The following IFT140 variants were observed in gnomAD, a reference collection of about 807,000 sequenced individuals.
IFT140 encodes the protein intraflagellar transport protein 140 homolog.
IFT140 carries 133 observed loss-of-function variants against 164.6 expected under a neutral mutation model. The ratio of observed to expected loss-of-function variants is 0.81; its 90% CI spans 0.70 to 0.93. The LOEUF (loss-of-function observed/expected upper bound fraction) is 0.93, where lower values mean the gene tolerates loss of function less well. Ranked by LOEUF, IFT140 falls within the 40% of genes least tolerant of loss-of-function variation. IFT140 has a pLI of 0.00. For synonymous variants in IFT140, 860 were observed against 817.3 expected, an observed-to-expected ratio of 1.05 and a Z score of -0.89; for missense variants, 2,045 against 1,972.3, an observed-to-expected ratio of 1.04 and a Z score of -0.70.
In IFT140 at chr16:1,592,662, C is replaced by T. The variant is rs2035244192; in HGVS notation, c.370-74G>A. 3 of 1,533,928 alleles carry T rather than the reference C, an allele frequency of 2.0e-6. No individual in the cohort carries two copies. The East Asian group carries it at 7.0e-5, about 36-fold the overall frequency. On this transcript the variant is annotated intron_variant, in intron 4 of 30. Transcript: ENST00000426508. The stretch of plus-strand genomic sequence containing the variant: ...ACTGGTGGAGGGACAGGTGTCCTGG[C>T]AGAGCGACTGGTGGTGGGACAGGTG...
At chr16:1,528,354 C>T (rs1567333679) in intron 19 of IFT140, among the ~76,000 whole-genome samples, 1 of 131,824 alleles carries the variant, frequency 7.6e-6, no homozygotes, top group Admixed American at 9.7e-5. Flanking sequence ...CGCATGCACG[C>T]ACGTGTGCAC....
chr16:1,541,696 G>A (rs1274343930), intron 19 of IFT140, among the ~76,000 whole-genome samples: 2 of 152,124 alleles, frequency 1.3e-5, no homozygotes, highest in Non-Finnish European at 2.9e-5. Context: ...AGCCAGGCCC[G>A]GCGGCTGGGA....
chr16:1,523,578 G>A lies in IFT140; in HGVS notation c.3393C>T (p.Asp1131=). The A allele has an allele frequency of 1.2e-6, 2 of 1,613,798 alleles. No homozygotes were observed. The highest frequency in any genetic ancestry group is 1.7e-6 in the Non-Finnish European group (2 of 1,180,008). ...CGTACTGACTGTGCTCGATGAAGAAGTCGGAGCAGCGGGCCAGGAGCGCAG... is the reference window on the plus strand; with the variant it reads ...CGTACTGACTGTGCTCGATGAAGAAATCGGAGCAGCGGGCCAGGAGCGCAG... ...SDPALLARCS[D]FFIEHSQYER... is the part of the protein sequence containing the mutation. The change falls in exon 26 of 31, where the codon GAC becomes GAT. Residue 1131 remains aspartate, a synonymous_variant. Transcript: ENST00000426508.
intron 13 of IFT140, among the ~76,000 whole-genome samples, chr16:1,576,484 C>T (rs1270663680): frequency 2.7e-5 from 4 of 150,456 alleles, no homozygotes; most frequent in Non-Finnish European, 4.4e-5. Flanking sequence ...CCCAGCTACT[C>T]GGGAGGCTGA....
intron 16 of IFT140, among the ~76,000 whole-genome samples, chr16:1,565,408 C>T (rs1266161167): frequency 1.3e-5 from 2 of 151,744 alleles, no homozygotes; most frequent in African/African-American, 4.8e-5. Context: ...AAGAAGGTTC[C>T]AGCACTGGAT....
chr16:1,586,765 G>T (rs1179803784), intron 9 of IFT140, among the ~76,000 whole-genome samples: 2 of 152,230 alleles, frequency 1.3e-5, no homozygotes, highest in Non-Finnish European at 2.9e-5. Context: ...GGAGTGCACT[G>T]GCACCATCTT....
At chr16:1,513,864 G>A (rs35773761) in intron 30 of IFT140, among the ~76,000 whole-genome samples, 36,082 of 136,016 alleles carry the variant, frequency 0.27, 5,482 homozygotes, top group East Asian at 0.41. Flanking sequence ...TAGTAGAGAC[G>A]GGGTTTCACC....
chr16:1,549,142 TGGCGTCCGAG>T (rs772280737), intron 19 of IFT140, among the ~76,000 whole-genome samples: 1 of 152,268 alleles, frequency 6.6e-6, no homozygotes, highest in Non-Finnish European at 1.5e-5. Flanking sequence ...TGGGTCTCAC[TGGCGTCCGAG>T]GGCGCTGTCC....
At chr16:1,527,364 G>A (rs997427568) in intron 19 of IFT140, among the ~76,000 whole-genome samples, 2 of 152,182 alleles carry the variant, frequency 1.3e-5, no homozygotes, top group African/African-American at 2.4e-5. Flanking sequence ...GGGTTCTGCA[G>A]AGCCCTGGAG....
rs748820042 is a variant in IFT140, at chr16:1,520,299, C to T, written c.3705G>A (p.Thr1235=). Residue 1235 remains threonine, a synonymous_variant, in exon 28 of 31, where the codon ACG becomes ACA. Transcript: ENST00000426508. ...TCTGCCTGGACACGCTCGCGAAGAA[C>T]GTGATTTTCTCCGTGTCTCCGGATT... ...LLKSGDTEKI[T]FFASVSRQKE... 2.8e-5 allele frequency: 46 copies of T among 1,614,090 alleles called. No homozygotes were observed. The highest frequency in any genetic ancestry group is 1.6e-4 in the Middle Eastern group (1 of 6,084).
intron 29 of IFT140, 58 bp downstream of exon 29, chr16:1,519,823 G>C (rs766439575): frequency 9.5e-6 from 14 of 1,468,820 alleles, no homozygotes; most frequent in Non-Finnish European, 1.2e-5. Flanking sequence ...CTCGTGGTCA[G>C]CCCCGGCCCT....
chr16:1,517,157 G>A (rs2040380933), intron 30 of IFT140, among the ~76,000 whole-genome samples: 1 of 152,132 alleles, frequency 6.6e-6, no homozygotes, highest in African/African-American at 2.4e-5. Flanking sequence ...GATCACTTGA[G>A]GTCACGAGTT....
At position 1,511,124 on chromosome 16, in the gene IFT140, C is replaced by T. The variant is rs147396354; in HGVS notation, c.4209G>A (p.Arg1403=). 1.2e-6 allele frequency: 2 copies of T among 1,609,346 alleles called. No homozygotes were observed. Among genetic ancestry groups the T allele is most frequent in the Middle Eastern group, 1.7e-4 (1 of 6,052 alleles). ...QTAYRFLEEM[R]RRLPLANMSY... is the part of the protein sequence containing the mutation. ...ACATGTTGGCCAAGGGAAGCCGCCG[C>T]CGCATCTCCTCCAGGAATCTGTAGG... The change falls in exon 31 of 31, where the codon CGG becomes CGA. Residue 1403 remains arginine (R), a synonymous_variant. Coordinates refer to ENST00000426508, the MANE Select transcript of IFT140 (RefSeq NM_014714.4).
chr16:1,542,665 G>A (rs952283507), intron 19 of IFT140, among the ~76,000 whole-genome samples: 2 of 152,268 alleles, frequency 1.3e-5, no homozygotes, highest in Non-Finnish European at 2.9e-5. Context: ...ACGCTAGCAC[G>A]TTCCACACTG....
At chr16:1,550,280 A>T (rs1444197426) in intron 19 of IFT140, among the ~76,000 whole-genome samples, 1 of 152,190 alleles carries the variant, frequency 6.6e-6, no homozygotes, top group Non-Finnish European at 1.5e-5. Flanking sequence ...TTGGAAGCAG[A>T]CAGATGCTCT....
chr16:1,547,163 G>T (rs1007719061), intron 19 of IFT140, among the ~76,000 whole-genome samples: 8 of 152,140 alleles, frequency 5.3e-5, no homozygotes, highest in African/African-American at 1.9e-4. Flanking sequence ...TTGTATAAAT[G>T]ACTTCCAATC....
chr16:1,565,912 C>T (rs572213416), intron 16 of IFT140, among the ~76,000 whole-genome samples: 7 of 152,324 alleles, frequency 4.6e-5, no homozygotes, highest in African/African-American at 1.7e-4. Flanking sequence ...TACAGATTCC[C>T]GGCCAGAACC....
intron 19 of IFT140, among the ~76,000 whole-genome samples, chr16:1,544,688 G>T (rs1425578138): frequency 6.6e-6 from 1 of 151,174 alleles, no homozygotes; most frequent in Non-Finnish European, 1.5e-5. Context: ...TCGCCCTGTG[G>T]CCCAGGCTGG....
intron 19 of IFT140, among the ~76,000 whole-genome samples, chr16:1,540,599 G>A (rs534513300): frequency 2.0e-5 from 3 of 152,328 alleles, no homozygotes; most frequent in African/African-American, 7.2e-5. Context: ...CTGGATTCTG[G>A]TGTCTGTGAT....
Sources: gnomAD v4.1 joint callset for allele counts (sites outside exome capture counted in the v4.1 genomes callset) on GRCh38, gnomAD v4.1.1 for gene constraint, MANE v1.5 for transcripts, NCBI Gene and HGNC (gene_info 2026-07-23, HGNC 2026-07-21) for gene names.